Variants in TAOK1 observed in about 807,000 individuals in gnomAD.
TAOK1 encodes the protein TAO kinase 1, also known as serine/threonine-protein kinase TAO1.
A neutral mutation model predicts 138.3 loss-of-function variants in TAOK1; 21 were observed. That is an observed-to-expected ratio of 0.15 (90% CI 0.11 to 0.22). The LOEUF is 0.22. TAOK1 is among the 10% of genes least tolerant of loss of function. The pLI is 1.00. For missense variants in TAOK1, 651 were observed against 1,227.7 expected, an observed-to-expected ratio of 0.53 and a Z score of 7.02; for synonymous variants, 361 against 398.4, an observed-to-expected ratio of 0.91 and a Z score of 1.12.
chr17:29,534,646 G>A (rs899152607), intron 19 of TAOK1, among the ~76,000 whole-genome samples: 2 of 152,160 alleles, frequency 1.3e-5, no homozygotes, highest in Non-Finnish European at 1.5e-5. Context: ...GTTGGAGAAG[G>A]ACTTAACTAG....
chr17:29,503,703 G>A (rs2031574867), intron 13 of TAOK1, among the ~76,000 whole-genome samples: 1 of 152,004 alleles, frequency 6.6e-6, no homozygotes, highest in Admixed American at 6.6e-5. Context: ...GGCTGGGTGT[G>A]GTAGCTCATG....
chr17:29,525,607 C>T (rs923210303), intron 17 of TAOK1, among the ~76,000 whole-genome samples: 12 of 152,040 alleles, frequency 7.9e-5, no homozygotes, highest in Non-Finnish European at 1.3e-4. Context: ...GTTGGCCCTG[C>T]TGGTCTTGAA....
chr17:29,442,009 AC>A (rs2029954044), intron 1 of TAOK1, among the ~76,000 whole-genome samples: 1 of 149,718 alleles, frequency 6.7e-6, no homozygotes, highest in Non-Finnish European at 1.5e-5. Context: ...CTTTTCAAGA[AC>A]CAACTTCTTG....
At chr17:29,404,510 G>T (rs1307324833) in intron 1 of TAOK1, among the ~76,000 whole-genome samples, 1 of 152,092 alleles carries the variant, frequency 6.6e-6, no homozygotes, top group Non-Finnish European at 1.5e-5. Flanking sequence ...AAAAACTTTT[G>T]GCTAGGCATG....
chr17:29,549,259 A>G lies in TAOK1; in HGVS notation c.*6237A>G, dbSNP rs1202951358. On this transcript the variant is annotated 3_prime_UTR_variant, in exon 20 of 20. Transcript: ENST00000261716. Reference sequence around the variant, plus strand: ...CTTTCTCTGATATGCCTTGTAGCCAAAGTATTAAAGGCTGATGAACATAGA... The same window carrying G: ...CTTTCTCTGATATGCCTTGTAGCCAGAGTATTAAAGGCTGATGAACATAGA... The G allele has an allele frequency of 2.0e-5, 3 of 152,196 alleles. No individual in the cohort carries two copies. Among genetic ancestry groups the G allele is most frequent in the South Asian group, 2.1e-4 (1 of 4,832 alleles). 9.4% of individuals were successfully genotyped at this position (152,196 alleles called of 1,614,324 possible).
chr17:29,483,160 C>T (rs1849955230), intron 8 of TAOK1, among the ~76,000 whole-genome samples: 1 of 152,206 alleles, frequency 6.6e-6, no homozygotes, highest in Admixed American at 6.5e-5. Context: ...TCACTCTAAC[C>T]TCTGCTTCCT....
chr17:29,392,141 G>A (rs966725475), intron 1 of TAOK1, among the ~76,000 whole-genome samples: 1 of 152,114 alleles, frequency 6.6e-6, no homozygotes, highest in African/African-American at 2.4e-5. Context: ...GCTTGAACCC[G>A]GGAGGCGGAG....
chr17:29,460,197 G>A (rs2030499251), intron 2 of TAOK1, among the ~76,000 whole-genome samples: 1 of 152,148 alleles, frequency 6.6e-6, no homozygotes, highest in Non-Finnish European at 1.5e-5. Context: ...TTTGTCAGTA[G>A]TCTTTTTTTT....
At chr17:29,410,987 T>G (rs1905128476) in intron 1 of TAOK1, among the ~76,000 whole-genome samples, 1 of 151,812 alleles carries the variant, frequency 6.6e-6, no homozygotes, top group Admixed American at 6.6e-5. Context: ...TCTTTTTCTC[T>G]CCCATTTCAG....
intron 12 of TAOK1, 35 bp from the exon 13 acceptor site, chr17:29,502,554 C>G: frequency 6.3e-7 from 1 of 1,587,556 alleles, no homozygotes; most frequent in Non-Finnish European, 8.6e-7. Flanking sequence ...AAACTGTTCA[C>G]CTTACATAAT....
intron 12 of TAOK1, among the ~76,000 whole-genome samples, chr17:29,499,493 A>G (rs1298068938): frequency 1.3e-5 from 2 of 151,600 alleles, no homozygotes; most frequent in African/African-American, 4.8e-5. Flanking sequence ...CAGCCTCCCA[A>G]AGTGCTGGGA....
chr17:29,492,780 G>A (rs1050326128), intron 10 of TAOK1, among the ~76,000 whole-genome samples: 4 of 151,864 alleles, frequency 2.6e-5, no homozygotes, highest in Admixed American at 1.3e-4. Context: ...CAACAAGGGC[G>A]AAACCCCTTC....
intron 17 of TAOK1, among the ~76,000 whole-genome samples, chr17:29,522,754 T>C (rs1472584007): frequency 1.3e-5 from 2 of 152,174 alleles, no homozygotes; most frequent in Non-Finnish European, 2.9e-5. Context: ...GAAGTGCCAG[T>C]AGATAAGAAT....
At chr17:29,432,169 T>G (rs1905860657) in intron 1 of TAOK1, among the ~76,000 whole-genome samples, 1 of 152,142 alleles carries the variant, frequency 6.6e-6, no homozygotes, top group Non-Finnish European at 1.5e-5. Flanking sequence ...ACCCACATAT[T>G]TATTGACAGC....
At chr17:29,463,512 A>G (rs919010714) in intron 2 of TAOK1, among the ~76,000 whole-genome samples, 3 of 151,770 alleles carry the variant, frequency 2.0e-5, no homozygotes, top group Non-Finnish European at 4.4e-5. Context: ...TGGAGGTTGC[A>G]GTGAGCCGAG....
intron 1 of TAOK1, among the ~76,000 whole-genome samples, chr17:29,425,828 C>T (rs1424522962): frequency 6.6e-6 from 1 of 152,094 alleles, no homozygotes; most frequent in East Asian, 1.9e-4. Flanking sequence ...TGTAAAATTT[C>T]TCTTATTTTA....
chr17:29,428,465 AC>A (rs1227631148), intron 1 of TAOK1, among the ~76,000 whole-genome samples: 1 of 152,200 alleles, frequency 6.6e-6, no homozygotes, highest in Non-Finnish European at 1.5e-5. Flanking sequence ...CTTTTTAAAT[AC>A]ACAGATGACT....
intron 19 of TAOK1, 125 bp from the exon 20 acceptor site, chr17:29,542,436 T>C: frequency 1.3e-6 from 1 of 768,184 alleles, no homozygotes; most frequent in Non-Finnish European, 1.9e-6. Flanking sequence ...TAAATAAAAT[T>C]TGAAACTCAT....
At chr17:29,423,340 T>C (rs12942804) in intron 1 of TAOK1, among the ~76,000 whole-genome samples, 93,316 of 150,402 alleles carry the variant, frequency 0.62, 30,159 homozygotes, top group East Asian at 0.97. Flanking sequence ...CTCAGCCTCC[T>C]GAGTAGCTGG....
Sources: gnomAD v4.1 joint callset for allele counts (sites outside exome capture counted in the v4.1 genomes callset) on GRCh38, gnomAD v4.1.1 for gene constraint, MANE v1.5 for transcripts, NCBI Gene and HGNC (gene_info 2026-07-23, HGNC 2026-07-21) for gene names.